Variants in CDIPT observed in about 807,000 individuals in gnomAD.
CDIPT encodes the protein CDP-diacylglycerol--inositol 3-phosphatidyltransferase, also known as PI synthase.
Under a neutral mutation model 21.6 loss-of-function variants are expected in CDIPT, and 17 were observed. The observed-to-expected ratio is 0.79, with a 90% CI of 0.54 to 1.18. The LOEUF is 1.18. CDIPT is among the 50% of genes most tolerant of loss of function. The pLI is 0.00. For missense variants in CDIPT, 254 were observed against 284.9 expected, an observed-to-expected ratio of 0.89 and a Z score of 0.78; for synonymous variants, 119 against 117.9, an observed-to-expected ratio of 1.01 and a Z score of -0.06.
chr16:29,862,648 A>G lies in CDIPT; in HGVS notation c.116T>C (p.Phe39Ser), dbSNP rs200183429. Residue 39 changes from phenylalanine to serine, a missense_variant, in exon 2 of 6, where the codon TTC becomes TCC. Coordinates refer to ENST00000219789, the MANE Select transcript of CDIPT (RefSeq NM_006319.5). The surrounding 1 kb of genome is among the most constrained non-coding windows in gnomAD (Gnocchi z 6.7). The stretch of plus-strand genomic sequence containing the variant: ...GTCCAGCAGGCCGCTGAGCAGGTAG[A>G]AGGAGGAGGCCGTGAGGGGGCAGCA... ...MPCCPLTASS[F>S]YLLSGLLDAF... 1.1e-5 allele frequency: 18 copies of G among 1,612,244 alleles called. No individual in the cohort carries two copies. In the East Asian group the frequency reaches 4.0e-4, roughly 36 times the overall value.
intron 2 of CDIPT, chr16:29,861,707 C>T: frequency 1.7e-6 from 1 of 592,716 alleles, no homozygotes; most frequent in Non-Finnish European, 3.0e-6. Flanking sequence ...CTCCAGTAAA[C>T]ACCTGTTGAA....
Position 29,858,676 on chromosome 16 carries a change from C to A in CDIPT, c.*513G>T. On this transcript the variant is annotated 3_prime_UTR_variant, in exon 6 of 6. Coordinates refer to ENST00000219789, the MANE Select transcript of CDIPT (RefSeq NM_006319.5). The stretch of plus-strand genomic sequence containing the variant: ...TTCCCTAAGCTCCCTCAACCCAGGC[C>A]CTGAGCCAAGAATATCTGAAAGGAA... The A allele has an allele frequency of 6.4e-6, 1 of 156,790 alleles. No individual in the cohort carries two copies. The highest frequency in any genetic ancestry group is 1.4e-5 in the Non-Finnish European group (1 of 70,474). The allele number at this position is 156,790 out of a possible 1,614,324, so 9.7% of individuals were successfully genotyped here. A position where few individuals can be genotyped will look rare whatever the true frequency, so the allele number is the denominator to read the frequency against.
rs568502534 is a variant in CDIPT, at chr16:29,860,521, T to G, written c.414+60A>C. ...CCTTCTCCTAGGCTAGGACCAGGATTCAGCCCAGGGCTTCCCACAGCCAAG... is the reference window on the plus strand; with the variant it reads ...CCTTCTCCTAGGCTAGGACCAGGATGCAGCCCAGGGCTTCCCACAGCCAAG... On this transcript the variant is annotated intron_variant, in intron 4 of 5. Transcript: ENST00000219789. 2.7e-6 allele frequency: 3 copies of G among 1,129,410 alleles called. No homozygotes were observed. The African/African-American group carries it at 4.6e-5, about 17-fold the overall frequency. 70.0% of individuals were successfully genotyped at this position (1,129,410 alleles called of 1,614,324 possible). A position where few individuals can be genotyped will look rare whatever the true frequency, so the allele number is the denominator to read the frequency against.
intron 3 of CDIPT, chr16:29,860,893 A>G (rs936582198): frequency 1.3e-5 from 8 of 620,814 alleles, no homozygotes; most frequent in East Asian, 8.2e-5. Flanking sequence ...TAGAATACCC[A>G]GCCAGAAGAG....
Position 29,859,366 on chromosome 16 carries a change from C to T in CDIPT, c.497-32G>A, listed in dbSNP as rs141138716. 14 of 1,573,948 alleles carry T rather than the reference C, an allele frequency of 8.9e-6. No homozygotes were observed. The highest frequency in any genetic ancestry group is 6.9e-5 in the East Asian group (3 of 43,324). On this transcript the variant is annotated intron_variant, in intron 5 of 5. Coordinates refer to ENST00000219789, the MANE Select transcript of CDIPT (RefSeq NM_006319.5). The surrounding 1 kb of genome is among the most constrained non-coding windows in gnomAD (Gnocchi z 4.5). ...GAAGGCAGCAGGGGAGTTTGGGGCC[C>T]GAAGGAGGGGGCCTCCATCTCCCTG...
chr16:29,861,180 C>G lies in CDIPT; in HGVS notation c.258G>C (p.Leu86=). ...TMCLLVNLAL[L]YPGATLFFQI... is the part of the protein sequence containing the mutation. Reference sequence around the variant, plus strand: ...GGAAGAACAGCGTGGCTCCAGGGTACAGCAGGGCCAGGTTGACCAACAGGC... The same window carrying G: ...GGAAGAACAGCGTGGCTCCAGGGTAGAGCAGGGCCAGGTTGACCAACAGGC... The change falls in exon 3 of 6, where the codon CTG becomes CTC. Residue 86 remains leucine (L), a synonymous_variant. Coordinates refer to ENST00000219789, the MANE Select transcript of CDIPT (RefSeq NM_006319.5). 1 of 1,614,168 alleles carries G rather than the reference C, an allele frequency of 6.2e-7. No individual in the cohort carries two copies. The highest frequency in any genetic ancestry group is 8.5e-7 in the Non-Finnish European group (1 of 1,180,024).
Position 29,859,646 on chromosome 16 carries a change from A to G in CDIPT, c.415-123T>C. On this transcript the variant is annotated intron_variant, in intron 4 of 5. Transcript: ENST00000219789. This position sits in a 1 kb window ranked among gnomAD's most constrained non-coding sequence, Gnocchi z 4.5. ...TCTCTTATTTTTTTTTCTTTTTTACAGACAGGGTCTCGCTCTCTCATCCAG... is the reference window on the plus strand; with the variant it reads ...TCTCTTATTTTTTTTTCTTTTTTACGGACAGGGTCTCGCTCTCTCATCCAG... 1.5e-6 allele frequency: 1 copy of G among 684,448 alleles called. No individual in the cohort carries two copies. 42.4% of individuals were successfully genotyped at this position (684,448 alleles called of 1,614,324 possible).
In CDIPT at chr16:29,859,583, C is replaced by A. The variant is rs561320167; in HGVS notation, c.415-60G>T. On this transcript the variant is annotated intron_variant, in intron 4 of 5. Coordinates refer to ENST00000219789, the MANE Select transcript of CDIPT (RefSeq NM_006319.5). This position sits in a 1 kb window ranked among gnomAD's most constrained non-coding sequence, Gnocchi z 4.5. The stretch of plus-strand genomic sequence containing the variant: ...GGCAGGCGTGTGCCACCCCCTGCCC[C>A]CCCAGCACTAATGAAGGCACAATCT... The A allele has an allele frequency of 4.7e-5, 52 of 1,096,580 alleles. No homozygotes were observed. Among genetic ancestry groups the A allele is most frequent in the Non-Finnish European group, 4.9e-5 (35 of 717,360 alleles). The allele number at this position is 1,096,580 out of a possible 1,614,324, so 67.9% of individuals were successfully genotyped here. A position where few individuals can be genotyped will look rare whatever the true frequency, so the allele number is the denominator to read the frequency against.
In CDIPT at chr16:29,862,602, A is replaced by G. The variant is rs1325625845; in HGVS notation, c.162T>C (p.Ala54=). 1.3e-6 allele frequency: 2 copies of G among 1,585,124 alleles called. No homozygotes were observed. The highest frequency in any genetic ancestry group is 2.3e-5 in the South Asian group (2 of 88,280). ...GLLDAFDGHA[A]RALNQGTRFG... is the part of the protein sequence containing the mutation. The stretch of plus-strand genomic sequence containing the variant: ...GTCTGTCACCTTGATTAAGAGCGCG[A>G]GCAGCGTGTCCATCGAAAGCGTCCA... The change falls in exon 2 of 6, where the codon GCT becomes GCC. Residue 54 remains alanine, a synonymous_variant. Coordinates refer to ENST00000219789, the MANE Select transcript of CDIPT (RefSeq NM_006319.5). This position sits in a 1 kb window ranked among gnomAD's most constrained non-coding sequence, Gnocchi z 6.7.
intron 3 of CDIPT, 37 bp from the exon 4 acceptor site, chr16:29,860,699 G>A (rs765220084): frequency 8.2e-6 from 10 of 1,216,528 alleles, no homozygotes; most frequent in Non-Finnish European, 1.2e-5. Context: ...AAGGTTTCAT[G>A]ACCACTACCA....
chr16:29,862,943 G>A lies in CDIPT; in HGVS notation c.-86C>T, dbSNP rs11540971. 6.8e-3 allele frequency: 10,206 copies of A among 1,501,912 alleles called. 55 individuals carry two copies. The highest frequency in any genetic ancestry group is 7.9e-3 in the Non-Finnish European group (8,504 of 1,081,896). The allele number at this position is 1,501,912 out of a possible 1,614,324, so 93.0% of individuals were successfully genotyped here. A position where few individuals can be genotyped will look rare whatever the true frequency, so the allele number is the denominator to read the frequency against. ...GCAGCGCGGCCTCAGCCTCCGGCCC[G>A]GCGCATCGGCCGCACCACCTGCGCC... On this transcript the variant is annotated 5_prime_UTR_variant, in exon 1 of 6. Transcript: ENST00000219789. This position sits in a 1 kb window ranked among gnomAD's most constrained non-coding sequence, Gnocchi z 6.7.
rs1054349305 is a variant in CDIPT at position 29,862,403 on chromosome 16, C to T, written c.178+183G>A. On this transcript the variant is annotated intron_variant, in intron 2 of 5. Transcript: ENST00000219789. The surrounding 1 kb of genome is among the most constrained non-coding windows in gnomAD (Gnocchi z 6.7). ...CGCCACTGCACTCCAGCCTAAGTGA[C>T]AGAGCGAGACCCTGTCTCAAAAACA... Among the ~76,000 whole-genome samples the T allele has an allele frequency of 2.2e-4, 34 of 152,152 alleles. No homozygotes were observed. The highest frequency in any genetic ancestry group is 8.2e-4 in the African/African-American group (34 of 41,428).
Position 29,858,866 on chromosome 16 carries a change from C to T in CDIPT, c.*323G>A, listed in dbSNP as rs927686208. The T allele has an allele frequency of 6.7e-6, 2 of 300,748 alleles. No homozygotes were observed. Among genetic ancestry groups the T allele is most frequent in the African/African-American group, 4.4e-5 (2 of 45,054 alleles). 18.6% of individuals were successfully genotyped at this position (300,748 alleles called of 1,614,324 possible). A position where few individuals can be genotyped will look rare whatever the true frequency, so the allele number is the denominator to read the frequency against. On this transcript the variant is annotated 3_prime_UTR_variant, in exon 6 of 6. Coordinates refer to ENST00000219789, the MANE Select transcript of CDIPT (RefSeq NM_006319.5). Reference sequence around the variant, plus strand: ...CCCGCCTTTCAGGAAACCTGGCCCTCACACCACCTCCCTCACTCAAGCGTC... The same window carrying T: ...CCCGCCTTTCAGGAAACCTGGCCCTTACACCACCTCCCTCACTCAAGCGTC...
Position 29,859,583 on chromosome 16 carries a change from C to G in CDIPT, c.415-60G>C. On this transcript the variant is annotated intron_variant, in intron 4 of 5. Coordinates refer to ENST00000219789, the MANE Select transcript of CDIPT (RefSeq NM_006319.5). This position sits in a 1 kb window ranked among gnomAD's most constrained non-coding sequence, Gnocchi z 4.5. The stretch of plus-strand genomic sequence containing the variant: ...GGCAGGCGTGTGCCACCCCCTGCCC[C>G]CCCAGCACTAATGAAGGCACAATCT... 9.1e-7 allele frequency: 1 copy of G among 1,096,580 alleles called. No homozygotes were observed. The highest frequency in any genetic ancestry group is 1.4e-6 in the Non-Finnish European group (1 of 717,360). 67.9% of individuals were successfully genotyped at this position (1,096,580 alleles called of 1,614,324 possible). A position where few individuals can be genotyped will look rare whatever the true frequency, so the allele number is the denominator to read the frequency against.
chr16:29,861,303 C>T (rs772160536), intron 2 of CDIPT, 44 bp from the exon 3 acceptor site: 2 of 1,610,794 alleles, frequency 1.2e-6, no homozygotes, highest in East Asian at 2.2e-5. Flanking sequence ...ACAGTGGATG[C>T]AGGACAGGTG....
At chr16:29,861,555 T>C (rs1208107739) in intron 2 of CDIPT, 2 of 1,493,062 alleles carry the variant, frequency 1.3e-6, no homozygotes, top group Non-Finnish European at 1.8e-6. Context: ...ACTTGATGCC[T>C]CAGGGGAAGC....
rs1042163713 is a variant in CDIPT at position 29,862,881 on chromosome 16, G to A, written c.-24C>T. 15 of 1,612,676 alleles carry A rather than the reference G, an allele frequency of 9.3e-6. No individual in the cohort carries two copies. The highest frequency in any genetic ancestry group is 3.3e-5 in the Admixed American group (2 of 59,984). On this transcript the variant is annotated 5_prime_UTR_variant, in exon 1 of 6. Transcript: ENST00000219789. This position sits in a 1 kb window ranked among gnomAD's most constrained non-coding sequence, Gnocchi z 6.7. ...ATCGCGGCGCCTCCCTTGCTGCCCC[G>A]GGCCTGCTCTGGAGATGCCAGTGCT...
At chr16:29,861,722 CTGTTTTT>C (rs1398953589) in intron 2 of CDIPT, 24 of 567,278 alleles carry the variant, frequency 4.2e-5, no homozygotes, top group Middle Eastern at 9.3e-4. Flanking sequence ...GTTGAATACA[CTGTTTTT>C]TGTTTTTTGT....
rs747105927 is a variant in CDIPT at position 29,862,627 on chromosome 16, A to G, written c.137T>C (p.Leu46Pro). ...AGCAGCGTGTCCATCGAAAGCGTCC[A>G]GCAGGCCGCTGAGCAGGTAGAAGGA... is the stretch of plus-strand genomic sequence containing the variant. Reference protein sequence around the residue: ...ASSFYLLSGLLDAFDGHAARA... With the variant: ...ASSFYLLSGLPDAFDGHAARA... The change falls in exon 2 of 6, where the codon CTG (leucine) becomes CCG (proline). Residue 46 changes from leucine to proline, a missense_variant. By Grantham distance (98) the Leu-to-Pro change is moderately conservative. Coordinates refer to ENST00000219789, the MANE Select transcript of CDIPT (RefSeq NM_006319.5). The surrounding 1 kb of genome is among the most constrained non-coding windows in gnomAD (Gnocchi z 6.7). 4 of 1,605,726 alleles carry G rather than the reference A, an allele frequency of 2.5e-6. No homozygotes were observed. Among genetic ancestry groups the G allele is most frequent in the Non-Finnish European group, 3.4e-6 (4 of 1,176,074 alleles).
Sources: gnomAD v4.1 joint callset for allele counts (sites outside exome capture counted in the v4.1 genomes callset) on GRCh38, gnomAD v4.1.1 for gene constraint, Gnocchi (gnomAD v3.1) non-coding constraint, MANE v1.5 for transcripts, NCBI Gene and HGNC (gene_info 2026-07-23, HGNC 2026-07-21) for gene names.